The following ALAS1 variants were observed in gnomAD, a reference collection of about 807,000 sequenced individuals.
ALAS1 encodes the protein 5-aminolevulinate synthase, non-specific, mitochondrial.
ALAS1 carries 29 observed loss-of-function variants against 59.6 expected under a neutral mutation model. The observed-to-expected ratio is 0.49, with a 90% confidence interval of 0.36 to 0.66. The LOEUF (loss-of-function observed/expected upper bound fraction) is 0.66, where lower values mean the gene tolerates loss of function less well. Among genes scored for constraint, ALAS1 ranks in the 30% least tolerant of loss-of-function variants. The pLI, the probability that ALAS1 is intolerant of heterozygous loss-of-function variation, is 0.00. For missense variants in ALAS1, 690 were observed against 807.5 expected (o/e 0.85, Z 1.76); for synonymous variants, 299 against 296.6 (o/e 1.01, Z -0.08).
chr3:52,209,451 C>T (rs1455039686), intron 9 of ALAS1, among the ~76,000 whole-genome samples: 3 of 152,154 alleles, frequency 2.0e-5, no homozygotes, highest in African/African-American at 4.8e-5. Context: ...ACGTGATCTG[C>T]CCGCCTCAGC....
intron 3 of ALAS1, among the ~76,000 whole-genome samples, 152 bp from the exon 4 acceptor site, chr3:52,202,350 AAAAAC>A (rs1012199638): frequency 5.9e-5 from 9 of 152,334 alleles, no homozygotes; most frequent in African/African-American, 1.9e-4. Context: ...ACTCCATCTT[AAAAAC>A]AAAACAAAAC....
intron 4 of ALAS1, among the ~76,000 whole-genome samples, chr3:52,203,512 G>A (rs1699231982): frequency 6.6e-6 from 1 of 151,760 alleles, no homozygotes; most frequent in African/African-American, 2.4e-5. Context: ...CTGCTCTCCA[G>A]CCTGGGTGAC....
intron 4 of ALAS1, among the ~76,000 whole-genome samples, chr3:52,203,483 A>T (rs980253102): frequency 8.6e-5 from 13 of 151,940 alleles, no homozygotes; most frequent in African/African-American, 2.9e-4. Context: ...AGAGGTTGCA[A>T]TGAGTCGAGA....
chr3:52,208,183 A>T lies in ALAS1; in HGVS notation c.1266A>T (p.Arg422=). ...EVHAVGLYGA[R]GGGIGDRDGV... ...ACGCAGTGGGGCTTTATGGGGCTCGAGGCGGAGGGATTGGGGATCGGGATG... is the reference window on the plus strand; with the variant it reads ...ACGCAGTGGGGCTTTATGGGGCTCGTGGCGGAGGGATTGGGGATCGGGATG... The change falls in exon 9 of 12, where the codon CGA becomes CGT. Residue 422 remains arginine, a synonymous_variant. Coordinates refer to ENST00000484952, the MANE Select transcript of ALAS1 (RefSeq NM_000688.6). 1 of 1,614,042 alleles carries T rather than the reference A, an allele frequency of 6.2e-7. No homozygotes were observed. Among genetic ancestry groups the T allele is most frequent in the Non-Finnish European group, 8.5e-7 (1 of 1,179,960 alleles).
chr3:52,198,157 C>T (rs1469992121), upstream of ALAS1: 8 of 398,544 alleles, frequency 2.0e-5, no homozygotes, highest in South Asian at 2.5e-4. Flanking sequence ...CGATCGCGGC[C>T]TGAGGCTGCT....
intron 3 of ALAS1, among the ~76,000 whole-genome samples, chr3:52,202,231 C>T (rs544010795): frequency 2.6e-5 from 4 of 152,056 alleles, no homozygotes; most frequent in African/African-American, 9.6e-5. Flanking sequence ...ACACCTGTAA[C>T]CCCAGCTACT....
intron 5 of ALAS1, 135 bp downstream of exon 5, chr3:52,204,147 A>C (rs570901391): frequency 1.1e-6 from 1 of 899,236 alleles, no homozygotes; most frequent in East Asian, 2.8e-5. Context: ...GGGAGGCTGA[A>C]GCGGGAGAAG....
At chr3:52,207,428 G>A (rs960865177) in intron 8 of ALAS1, among the ~76,000 whole-genome samples, 6 of 151,956 alleles carry the variant, frequency 3.9e-5, no homozygotes, top group East Asian at 1.9e-4. Flanking sequence ...GAGCCACCGC[G>A]CCTGGCCTGT....
intron 3 of ALAS1, among the ~76,000 whole-genome samples, chr3:52,201,739 G>A (rs1265048722): frequency 6.6e-6 from 1 of 152,172 alleles, no homozygotes; most frequent in African/African-American, 2.4e-5. Flanking sequence ...CTGGTTGACA[G>A]AGTGAGATCC....
At chr3:52,198,996 T>C (rs1375904943) in intron 2 of ALAS1, 148 bp downstream of exon 2, 1 of 1,085,776 alleles carries the variant, frequency 9.2e-7, no homozygotes, top group African/African-American at 1.6e-5. Context: ...CAGGTGCCTT[T>C]GTGTAGCGCT....
intron 9 of ALAS1, among the ~76,000 whole-genome samples, chr3:52,209,040 G>C (rs557621350): frequency 6.6e-6 from 1 of 152,254 alleles, no homozygotes; most frequent in East Asian, 1.9e-4. Flanking sequence ...CCAGTTTATA[G>C]CCTATGCTTG....
chr3:52,210,266 C>G lies in ALAS1; in HGVS notation c.1331-1017C>G, dbSNP rs539689667. Among the ~76,000 whole-genome samples the G allele has an allele frequency of 6.6e-5, 10 of 152,260 alleles. 1 individual carries two copies. In the South Asian group the frequency reaches 2.1e-3, roughly 32 times the overall value. The stretch of plus-strand genomic sequence containing the variant: ...TGCAGACATGGGGAGTGGAGCTGTG[C>G]TGGCTGTCAGAGCAGCAAGCCTGGG... On this transcript the variant is annotated intron_variant, in intron 9 of 11. Transcript: ENST00000484952.
chr3:52,214,249 T>C lies in ALAS1; in HGVS notation c.*69T>C. ...TCCAGATGGTCTTCAGAGTTGTCTTTATATGTGAATTAAGTTATATTAAAT... is the reference window on the plus strand; with the variant it reads ...TCCAGATGGTCTTCAGAGTTGTCTTCATATGTGAATTAAGTTATATTAAAT... On this transcript the variant is annotated 3_prime_UTR_variant, in exon 12 of 12. Transcript: ENST00000484952. 2 of 1,358,616 alleles carry C rather than the reference T, an allele frequency of 1.5e-6. No homozygotes were observed. The highest frequency in any genetic ancestry group is 4.7e-5 in the East Asian group (2 of 42,776). 84.2% of individuals were successfully genotyped at this position (1,358,616 alleles called of 1,614,324 possible). A position where few individuals can be genotyped will look rare whatever the true frequency, so the allele number is the denominator to read the frequency against.
chr3:52,213,921 T>C (rs928185547), intron 11 of ALAS1, 99 bp from the exon 12 acceptor site: 37 of 1,089,158 alleles, frequency 3.4e-5, no homozygotes, highest in Non-Finnish European at 4.9e-5. Context: ...TGAATAATGC[T>C]GCTATGAACA....
chr3:52,200,881 T>A (rs1197475089), intron 3 of ALAS1, among the ~76,000 whole-genome samples: 1 of 146,652 alleles, frequency 6.8e-6, no homozygotes, highest in South Asian at 2.1e-4. Context: ...GAAAATAAGT[T>A]TTTTTTTTCT....
intron 10 of ALAS1, 109 bp downstream of exon 10, chr3:52,211,660 C>G: frequency 6.8e-7 from 1 of 1,477,250 alleles, no homozygotes; most frequent in East Asian, 2.3e-5. Flanking sequence ...GGGTGACTGC[C>G]AGGGCAGGGG....
In ALAS1 at chr3:52,202,643, A is replaced by G. The variant is rs555032394; in HGVS notation, c.336A>G (p.Ala112=). The G allele has an allele frequency of 3.7e-6, 6 of 1,614,204 alleles. No homozygotes were observed. The African/African-American group carries it at 6.7e-5, about 18-fold the overall frequency. Residue 112 remains alanine, a synonymous_variant, in exon 4 of 12, where the codon GCA becomes GCG. Coordinates refer to ENST00000484952, the MANE Select transcript of ALAS1 (RefSeq NM_000688.6). ...CTGCAAGCAAATGCCCTTTCCTGGC[A>G]GCACAGATGAATCAGAGAGGCAGCA... ...QGTASKCPFL[A]AQMNQRGSSV...
intron 8 of ALAS1, 116 bp downstream of exon 8, chr3:52,206,867 C>T (rs1699302051): frequency 3.5e-6 from 4 of 1,143,132 alleles, no homozygotes; most frequent in African/African-American, 3.1e-5. Context: ...CCGATCCTCG[C>T]TCTGTTGCCC....
At chr3:52,201,077 C>T (rs772892501) in intron 3 of ALAS1, among the ~76,000 whole-genome samples, 6 of 151,818 alleles carry the variant, frequency 4.0e-5, no homozygotes, top group Non-Finnish European at 7.4e-5. Flanking sequence ...TTTGGCCTTC[C>T]GTTATAGAAG....
Sources: gnomAD v4.1 joint callset for allele counts (sites outside exome capture counted in the v4.1 genomes callset) on GRCh38, gnomAD v4.1.1 for gene constraint, MANE v1.5 for transcripts, NCBI Gene and HGNC (gene_info 2026-07-23, HGNC 2026-07-21) for gene names.